The following MYT1L variants were observed in gnomAD, a reference collection of about 807,000 sequenced individuals.
MYT1L encodes the protein myelin transcription factor 1-like protein.
In MYT1L, 12 loss-of-function variants were observed where a neutral mutation model predicts 126.7. The ratio of observed to expected loss-of-function variants is 0.09; its 90% CI spans 0.06 to 0.15. MYT1L has a LOEUF of 0.15. Among genes scored for constraint, MYT1L ranks in the 10% least tolerant of loss-of-function variants. The probability of loss-of-function intolerance (pLI) is 1.00; values close to 1 mark genes in which losing one functional copy is unlikely to be tolerated. For missense variants in MYT1L, 979 were observed against 1,585.2 expected (o/e 0.62, Z 6.49); for synonymous variants, 541 against 604.2 (o/e 0.90, Z 1.53).
At chr2:2,128,307 T>G (rs1353772117) in intron 3 of MYT1L, among the ~76,000 whole-genome samples, 1 of 152,046 alleles carries the variant, frequency 6.6e-6, no homozygotes, top group Non-Finnish European at 1.5e-5. Context: ...ACACCACGCC[T>G]GGCTAATTTT....
chr2:1,916,627 T>G (rs2052878899), intron 11 of MYT1L, among the ~76,000 whole-genome samples: 1 of 152,214 alleles, frequency 6.6e-6, no homozygotes, highest in Non-Finnish European at 1.5e-5. Flanking sequence ...TTAAAAAGAA[T>G]GCTTAAGATC....
chr2:2,018,764 C>T (rs2045018282), intron 4 of MYT1L, among the ~76,000 whole-genome samples: 1 of 152,156 alleles, frequency 6.6e-6, no homozygotes, highest in East Asian at 1.9e-4. Context: ...AACAACTCCC[C>T]CAGAAAGGTG....
chr2:1,818,067 C>G (rs527485845), intron 21 of MYT1L, among the ~76,000 whole-genome samples: 4 of 127,656 alleles, frequency 3.1e-5, no homozygotes, highest in South Asian at 2.4e-4. Context: ...GGCTTCAAAC[C>G]GAGCTCCGGG....
At chr2:2,264,012 A>G (rs1297630041) in intron 2 of MYT1L, among the ~76,000 whole-genome samples, 2 of 152,204 alleles carry the variant, frequency 1.3e-5, no homozygotes, top group Non-Finnish European at 2.9e-5. Flanking sequence ...ATAATACTGT[A>G]ATAATAAAAA....
At chr2:2,296,297 A>C (rs1390501801) in intron 1 of MYT1L, among the ~76,000 whole-genome samples, 1 of 152,182 alleles carries the variant, frequency 6.6e-6, no homozygotes. Context: ...GATTCCAAAG[A>C]GGCCAATTCT....
chr2:1,856,683 T>C (rs1266084963), intron 18 of MYT1L, among the ~76,000 whole-genome samples: 1 of 152,190 alleles, frequency 6.6e-6, no homozygotes, highest in East Asian at 1.9e-4. Context: ...CATCCCATCC[T>C]CTCTCTTTCA....
At chr2:2,068,775 T>G (rs1170348226) in intron 3 of MYT1L, among the ~76,000 whole-genome samples, 2,638 of 131,004 alleles carry the variant, frequency 0.02, 52 homozygotes, top group South Asian at 0.035. Flanking sequence ...TCTTGTTTTT[T>G]TTTTTTTTTT....
chr2:2,241,676 AG>A (rs1367284630), intron 2 of MYT1L, among the ~76,000 whole-genome samples: 1 of 152,172 alleles, frequency 6.6e-6, no homozygotes, highest in Non-Finnish European at 1.5e-5. Context: ...TATGTATAGG[AG>A]CATAATTCAC....
chr2:1,881,547 G>T (rs978369985), intron 18 of MYT1L, among the ~76,000 whole-genome samples: 1 of 152,006 alleles, frequency 6.6e-6, no homozygotes, highest in African/African-American at 2.4e-5. Context: ...TGTAAATGCC[G>T]TAGTGCAAAC....
intron 8 of MYT1L, among the ~76,000 whole-genome samples, chr2:1,975,825 C>T (rs2060132996): frequency 6.6e-6 from 1 of 152,174 alleles, no homozygotes; most frequent in Non-Finnish European, 1.5e-5. Context: ...GATTGTGCCA[C>T]TGCACTCCAG....
chr2:2,066,624 A>G (rs2073914467), intron 3 of MYT1L, among the ~76,000 whole-genome samples: 1 of 152,172 alleles, frequency 6.6e-6, no homozygotes, highest in Admixed American at 6.5e-5. Context: ...CGAAGAAAAC[A>G]GGGGTGGGGC....
chr2:2,290,399 C>T (rs1009826211), intron 1 of MYT1L, among the ~76,000 whole-genome samples: 4 of 152,258 alleles, frequency 2.6e-5, no homozygotes, highest in East Asian at 1.9e-4. Flanking sequence ...CGAAGACTAG[C>T]GTGCTGTGTG....
At chr2:2,198,268 C>A (rs1159748029) in intron 2 of MYT1L, among the ~76,000 whole-genome samples, 1 of 151,990 alleles carries the variant, frequency 6.6e-6, no homozygotes, top group Non-Finnish European at 1.5e-5. Flanking sequence ...TAGGAAGGGG[C>A]AGGGGTATGG....
At chr2:2,277,951 G>A (rs1053958270) in intron 2 of MYT1L, among the ~76,000 whole-genome samples, 2 of 152,062 alleles carry the variant, frequency 1.3e-5, no homozygotes, top group African/African-American at 4.8e-5. Context: ...CCAATGTTAC[G>A]AGTGACAGAA....
intron 21 of MYT1L, among the ~76,000 whole-genome samples, chr2:1,820,955 T>C (rs974354694): frequency 6.6e-6 from 1 of 152,104 alleles, no homozygotes; most frequent in Admixed American, 6.5e-5. Flanking sequence ...AAGAAGAAAT[T>C]CTCCCTGTGG....
intron 2 of MYT1L, among the ~76,000 whole-genome samples, chr2:2,191,224 G>T (rs940397878): frequency 5.3e-5 from 8 of 152,194 alleles, no homozygotes; most frequent in Non-Finnish European, 7.3e-5. Flanking sequence ...AGGAGGGATG[G>T]GAATGGTTGA....
intron 3 of MYT1L, among the ~76,000 whole-genome samples, chr2:2,096,942 G>A (rs2077515913): frequency 6.6e-6 from 1 of 152,154 alleles, no homozygotes; most frequent in African/African-American, 2.4e-5. Context: ...CGTCTTCACA[G>A]TGTGGGCTAG....
chr2:1,913,412 G>C (rs1441261490), intron 11 of MYT1L, among the ~76,000 whole-genome samples: 1 of 152,106 alleles, frequency 6.6e-6, no homozygotes, highest in African/African-American at 2.4e-5. Context: ...TCACAGGAGG[G>C]TTCCTTTCTG....
intron 11 of MYT1L, among the ~76,000 whole-genome samples, chr2:1,913,664 CCTTTTATGGTAAA>C (rs2149043855): frequency 6.6e-6 from 1 of 152,300 alleles, no homozygotes; most frequent in South Asian, 2.1e-4. Context: ...CCTTTCCTTT[CCTTTTATGGTAAA>C]CTTTTCACAT....
Sources: gnomAD v4.1 joint callset for allele counts (sites outside exome capture counted in the v4.1 genomes callset) on GRCh38, gnomAD v4.1.1 for gene constraint, MANE v1.5 for transcripts, NCBI Gene and HGNC (gene_info 2026-07-23, HGNC 2026-07-21) for gene names.